CACHD1: variants seen among roughly 807,000 people sequenced by gnomAD.
CACHD1 encodes cache domain containing 1.
Under a neutral mutation model 138.7 loss-of-function variants are expected in CACHD1, and 71 were observed. The ratio of observed to expected loss-of-function variants is 0.51; its 90% CI spans 0.42 to 0.62. CACHD1 has a LOEUF of 0.62. CACHD1 is among the 20% of genes least tolerant of loss of function. The pLI is 0.00. For synonymous variants in CACHD1, 578 were observed against 591.5 expected (o/e 0.98, Z 0.33); for missense variants, 1,389 against 1,625.3 (o/e 0.85, Z 2.50).
chr1:64,645,383 C>T (rs1570447367), intron 8 of CACHD1, among the ~76,000 whole-genome samples: 1 of 152,036 alleles, frequency 6.6e-6, no homozygotes, highest in East Asian at 1.9e-4. Context: ...TGATTCATAC[C>T]TCGATTACTC....
chr1:64,493,068 G>A (rs1204446203), intron 1 of CACHD1, among the ~76,000 whole-genome samples: 2 of 152,186 alleles, frequency 1.3e-5, no homozygotes, highest in African/African-American at 2.4e-5. Flanking sequence ...TTTGTAACAC[G>A]GGAGTTGTTA....
At chr1:64,516,328 A>C (rs1646458995) in intron 1 of CACHD1, among the ~76,000 whole-genome samples, 1 of 152,204 alleles carries the variant, frequency 6.6e-6, no homozygotes, top group Admixed American at 6.5e-5. Context: ...GATGTTCAGT[A>C]CATAACTTGC....
intron 13 of CACHD1, 63 bp from the exon 14 acceptor site, chr1:64,663,632 C>A: frequency 6.2e-7 from 1 of 1,601,174 alleles, no homozygotes; most frequent in Non-Finnish European, 8.5e-7. Context: ...CGAGTGATGC[C>A]TTTGTTTGGG....
At chr1:64,675,190 G>A (rs963209175) in intron 19 of CACHD1, among the ~76,000 whole-genome samples, 4 of 152,114 alleles carry the variant, frequency 2.6e-5, no homozygotes, top group Non-Finnish European at 5.9e-5. Flanking sequence ...TATATACACA[G>A]CTGTTCAATG....
In CACHD1 at chr1:64,507,120, C is replaced by G. The variant is rs1024827700; in HGVS notation, c.198+36178C>G. Among the ~76,000 whole-genome samples the G allele has an allele frequency of 1.2e-4, 18 of 152,226 alleles. 1 individual carries two copies. The highest frequency in any genetic ancestry group is 4.3e-4 in the African/African-American group (18 of 41,462). On this transcript the variant is annotated intron_variant, in intron 1 of 26. Transcript: ENST00000651257. Reference sequence around the variant, plus strand: ...CTCGTAAATTAGTATGTGTTTCACACATCATGCTTTGAAGGTTGTTCTTGA... The same window carrying G: ...CTCGTAAATTAGTATGTGTTTCACAGATCATGCTTTGAAGGTTGTTCTTGA...
rs1007259490 is a variant in CACHD1, at chr1:64,598,865, C to T, written c.411-3941C>T. Among the ~76,000 whole-genome samples the T allele has an allele frequency of 1.4e-3, 218 of 150,416 alleles. 2 individuals carry two copies. Among genetic ancestry groups the T allele is most frequent in the African/African-American group, 5.2e-3 (214 of 41,056 alleles). On this transcript the variant is annotated intron_variant, in intron 3 of 26. Transcript: ENST00000651257. ...CTGTCCCAAATTTATGTGTTGGAAA[C>T]TAATCACCAATGTGATCATATTAGG...
intron 17 of CACHD1, among the ~76,000 whole-genome samples, chr1:64,672,191 C>T (rs988476062): frequency 2.6e-5 from 4 of 152,198 alleles, no homozygotes; most frequent in African/African-American, 9.6e-5. Flanking sequence ...TTAATGCAGG[C>T]TGCTTTTAAA....
At chr1:64,655,868 T>G (rs1264329261) in intron 12 of CACHD1, among the ~76,000 whole-genome samples, 1 of 152,226 alleles carries the variant, frequency 6.6e-6, no homozygotes, top group Non-Finnish European at 1.5e-5. Flanking sequence ...TTTTCTTGGA[T>G]GGACAAATCA....
chr1:64,511,410 GAAGA>G (rs1225628074), intron 1 of CACHD1, among the ~76,000 whole-genome samples: 9 of 152,146 alleles, frequency 5.9e-5, no homozygotes, highest in African/African-American at 1.9e-4. Context: ...TAAAGAAGTG[GAAGA>G]AAGACCAGAG....
intron 2 of CACHD1, among the ~76,000 whole-genome samples, chr1:64,569,718 T>C (rs1196434615): frequency 6.6e-6 from 1 of 152,152 alleles, no homozygotes; most frequent in Non-Finnish European, 1.5e-5. Flanking sequence ...AGCTCTGCGA[T>C]CTATGTATGT....
chr1:64,586,744 C>A (rs558094675), intron 3 of CACHD1, among the ~76,000 whole-genome samples: 6 of 151,954 alleles, frequency 3.9e-5, no homozygotes, highest in African/African-American at 1.4e-4. Flanking sequence ...TCTCTACTGG[C>A]AATAACAAAG....
At chr1:64,627,945 AAAT>A (rs1195452581) in intron 4 of CACHD1, among the ~76,000 whole-genome samples, 1 of 152,234 alleles carries the variant, frequency 6.6e-6, no homozygotes. Flanking sequence ...GGTATTAAAC[AAAT>A]GATATTTCAG....
chr1:64,686,648 A>G (rs1039607158), intron 26 of CACHD1, among the ~76,000 whole-genome samples: 1 of 152,124 alleles, frequency 6.6e-6, no homozygotes, highest in African/African-American at 2.4e-5. Flanking sequence ...CCAATCATCT[A>G]TTGGCTTATT....
At chr1:64,659,600 A>G (rs1557544115) in intron 13 of CACHD1, among the ~76,000 whole-genome samples, 1 of 152,152 alleles carries the variant, frequency 6.6e-6, no homozygotes, top group Non-Finnish European at 1.5e-5. Flanking sequence ...ACCAAAGATA[A>G]TTTTCCCCCA....
At chr1:64,625,856 T>G (rs1461661896) in intron 4 of CACHD1, among the ~76,000 whole-genome samples, 1 of 152,228 alleles carries the variant, frequency 6.6e-6, no homozygotes, top group Non-Finnish European at 1.5e-5. Flanking sequence ...TAGTGCATGT[T>G]AAAAGACTGG....
intron 1 of CACHD1, among the ~76,000 whole-genome samples, chr1:64,515,189 C>G (rs952488891): frequency 6.6e-6 from 1 of 152,116 alleles, no homozygotes; most frequent in Non-Finnish European, 1.5e-5. Context: ...CAGCAAATCC[C>G]GAATCCCCAT....
At chr1:64,491,465 G>T (rs533560807) in intron 1 of CACHD1, among the ~76,000 whole-genome samples, 1 of 152,254 alleles carries the variant, frequency 6.6e-6, no homozygotes, top group Non-Finnish European at 1.5e-5. Context: ...GGTGGCAGGA[G>T]AGAGAAAGAA....
At position 64,473,120 on chromosome 1, in the gene CACHD1, C is replaced by T. The variant is rs190346965; in HGVS notation, c.198+2178C>T. Among the ~76,000 whole-genome samples the T allele has an allele frequency of 1.1e-4, 16 of 152,266 alleles. No homozygotes were observed. In the East Asian group the frequency reaches 3.1e-3, roughly 29 times the overall value. The stretch of plus-strand genomic sequence containing the variant: ...CTCCCAACTGGCCTCTTTCTAACAC[C>T]TTTGCAACCTCATTGTGGAAACGGA... On this transcript the variant is annotated intron_variant, in intron 1 of 26. Coordinates refer to ENST00000651257, the MANE Select transcript of CACHD1 (RefSeq NM_020925.4).
In CACHD1 at chr1:64,549,507, C is replaced by A. The variant is rs572263637; in HGVS notation, c.199-1087C>A. On this transcript the variant is annotated intron_variant, in intron 1 of 26. Transcript: ENST00000651257. ...TTCCCTCCATCCTGCACTCCACCCC[C>A]CGACCAAACCTCCCTCTAAGCCCCA... 3.9e-5 allele frequency among the ~76,000 whole-genome samples: 6 copies of A among 152,268 alleles called. No individual in the cohort carries two copies. In the East Asian group the frequency reaches 5.8e-4, roughly 15 times the overall value.
Sources: allele counts gnomAD v4.1 joint callset (sites outside exome capture counted in the v4.1 genomes callset), GRCh38; gene constraint gnomAD v4.1.1; transcripts MANE v1.5; gene names NCBI Gene and HGNC (gene_info 2026-07-23, HGNC 2026-07-21).